CTNNA2: variants seen among roughly 807,000 people sequenced by gnomAD.
CTNNA2 encodes catenin alpha 2.
CTNNA2 carries 42 observed loss-of-function variants against 101.0 expected under a neutral mutation model. That is an observed-to-expected ratio of 0.42 (90% confidence interval 0.32 to 0.54). The LOEUF (loss-of-function observed/expected upper bound fraction) is 0.54. Ranked by LOEUF, CTNNA2 falls within the 20% of genes least tolerant of loss-of-function variation. CTNNA2 has a pLI of 0.14. For missense variants in CTNNA2, 871 were observed against 1,223.1 expected, an observed-to-expected ratio of 0.71 and a Z score of 4.29; for synonymous variants, 450 against 456.4, an observed-to-expected ratio of 0.99 and a Z score of 0.18.
chr2:79,263,176 TG>T (rs1558591000), intron 2 of CTNNA2, among the ~76,000 whole-genome samples: 2 of 152,182 alleles, frequency 1.3e-5, no homozygotes. Context: ...GTCCCTGATA[TG>T]GTTTAGATAT....
At chr2:79,467,496 G>A in intron 4 of CTNNA2, among the ~76,000 whole-genome samples, 1 of 152,138 alleles carries the variant, frequency 6.6e-6, no homozygotes, top group Non-Finnish European at 1.5e-5. Context: ...AGCAAGGCAG[G>A]CCAACATTTA....
At chr2:80,104,505 C>T (rs1168689937) in intron 7 of CTNNA2, among the ~76,000 whole-genome samples, 2 of 152,196 alleles carry the variant, frequency 1.3e-5, no homozygotes, top group Admixed American at 6.5e-5. Flanking sequence ...CGACAATAAA[C>T]CATTCCCACT....
rs545807874 is a variant in CTNNA2, at chr2:79,966,623, A to G, written c.1056+56826A>G. ...CTGTGATCATAACAGGAAGGAAAAA[A>G]GCTGGGAAGAAAAGAAAGAAGGCAG... On this transcript the variant is annotated intron_variant, in intron 7 of 18. Transcript: ENST00000402739. Among the ~76,000 whole-genome samples the G allele has an allele frequency of 2.0e-5, 3 of 152,258 alleles. No individual in the cohort carries two copies. The South Asian group carries it at 6.2e-4, about 32-fold the overall frequency.
intron 8 of CTNNA2, among the ~76,000 whole-genome samples, chr2:80,410,754 C>A (rs1016070032): frequency 2.0e-5 from 3 of 152,168 alleles, no homozygotes; most frequent in Non-Finnish European, 2.9e-5. Context: ...GGCCCATGAG[C>A]TAATGAAGGC....
chr2:80,506,014 A>T (rs1688249751), intron 9 of CTNNA2, among the ~76,000 whole-genome samples: 1 of 152,220 alleles, frequency 6.6e-6, no homozygotes, highest in Non-Finnish European at 1.5e-5. Flanking sequence ...TTCCCAAAAA[A>T]GTTACAACAA....
At chr2:79,921,590 C>T (rs909436765) in intron 7 of CTNNA2, among the ~76,000 whole-genome samples, 7 of 152,184 alleles carry the variant, frequency 4.6e-5, no homozygotes, top group African/African-American at 1.7e-4. Flanking sequence ...TCTACTTTTC[C>T]ATTTATAAAA....
chr2:79,727,812 G>T (rs1686947152), intron 2 of CTNNA2, among the ~76,000 whole-genome samples: 1 of 144,800 alleles, frequency 6.9e-6, no homozygotes, highest in Admixed American at 7.3e-5. Flanking sequence ...CCACATATGA[G>T]TGAGAATATG....
intron 7 of CTNNA2, among the ~76,000 whole-genome samples, chr2:80,121,045 C>T (rs1466046146): frequency 1.3e-5 from 2 of 152,064 alleles, no homozygotes; most frequent in African/African-American, 4.8e-5. Flanking sequence ...TATGGCTTTG[C>T]GTTTACAAAA....
At chr2:80,544,435 G>A (rs542353715) in intron 9 of CTNNA2, among the ~76,000 whole-genome samples, 22 of 151,938 alleles carry the variant, frequency 1.4e-4, no homozygotes, top group African/African-American at 5.3e-4. Context: ...TGAATGCTAC[G>A]AGCCTTTTTG....
chr2:80,540,632 G>A (rs1177801901), intron 9 of CTNNA2, among the ~76,000 whole-genome samples: 2 of 151,680 alleles, frequency 1.3e-5, no homozygotes, highest in African/African-American at 4.8e-5. Flanking sequence ...GATACCTACT[G>A]TGTATAGTTA....
intron 2 of CTNNA2, among the ~76,000 whole-genome samples, chr2:79,710,983 GA>G (rs1388862905): frequency 9.2e-5 from 14 of 152,296 alleles, no homozygotes; most frequent in African/African-American, 3.4e-4. Flanking sequence ...GCTGCTAGCT[GA>G]ACAAGAGGAA....
chr2:79,425,468 C>T (rs1205691551), intron 4 of CTNNA2, among the ~76,000 whole-genome samples: 1 of 152,104 alleles, frequency 6.6e-6, no homozygotes, highest in Admixed American at 6.6e-5. Context: ...ATAGTACTGT[C>T]AGGTTCAGTT....
intron 4 of CTNNA2, among the ~76,000 whole-genome samples, chr2:79,868,026 A>G (rs1682276288): frequency 1.3e-5 from 2 of 152,196 alleles, no homozygotes. Flanking sequence ...AACTATAACA[A>G]TGTTTTAAAA....
At chr2:80,530,696 A>C (rs1690461318) in intron 9 of CTNNA2, among the ~76,000 whole-genome samples, 1 of 152,200 alleles carries the variant, frequency 6.6e-6, no homozygotes, top group Admixed American at 6.5e-5. Context: ...ATGGTGCTGC[A>C]ATACTTGGAT....
At chr2:79,905,805 G>A (rs1001139427) in intron 6 of CTNNA2, among the ~76,000 whole-genome samples, 4 of 151,954 alleles carry the variant, frequency 2.6e-5, no homozygotes, top group African/African-American at 9.7e-5. Flanking sequence ...GGCTTACCTG[G>A]GTGTTTCTTA....
chr2:80,065,766 A>G (rs1471045677), intron 7 of CTNNA2, among the ~76,000 whole-genome samples: 91 of 152,158 alleles, frequency 6.0e-4, no homozygotes, highest in Non-Finnish European at 7.3e-5. Flanking sequence ...AAAGCTCACA[A>G]AGCATCAGCT....
intron 2 of CTNNA2, among the ~76,000 whole-genome samples, chr2:79,717,396 G>T (rs941109096): frequency 2.0e-5 from 3 of 152,060 alleles, no homozygotes; most frequent in African/African-American, 4.8e-5. Flanking sequence ...ATGACTTTTG[G>T]TACTGTCTTC....
intron 7 of CTNNA2, among the ~76,000 whole-genome samples, chr2:80,184,623 G>T (rs1033897817): frequency 6.6e-6 from 1 of 152,134 alleles, no homozygotes; most frequent in Non-Finnish European, 1.5e-5. Context: ...CCACCTGCTT[G>T]AGTGGATAGG....
chr2:80,176,868 C>T (rs1431755791), intron 7 of CTNNA2, among the ~76,000 whole-genome samples: 1 of 152,194 alleles, frequency 6.6e-6, no homozygotes, highest in Non-Finnish European at 1.5e-5. Flanking sequence ...GCAATCTTAA[C>T]TTCCAGTTTA....
Sources: gnomAD v4.1 joint callset for allele counts (sites outside exome capture counted in the v4.1 genomes callset) on GRCh38, gnomAD v4.1.1 for gene constraint, MANE v1.5 for transcripts, NCBI Gene and HGNC (gene_info 2026-07-23, HGNC 2026-07-21) for gene names.